PXN: variants seen among roughly 807,000 people sequenced by gnomAD.
PXN encodes paxillin.
A neutral mutation model predicts 103.6 loss-of-function variants in PXN; 61 were observed. The ratio of observed to expected loss-of-function variants is 0.59; its 90% CI spans 0.48 to 0.73. PXN has a LOEUF of 0.73. PXN is among the 30% of genes least tolerant of loss of function. The pLI is 0.00. For missense variants in PXN, 1,274 were observed against 1,460.3 expected (o/e 0.87, Z 2.08); for synonymous variants, 562 against 607.8 (o/e 0.92, Z 1.11).
rs1292666546 is a variant in PXN, at chr12:120,236,223, G to C, written c.14-11846C>G. On this transcript the variant is annotated intron_variant, in intron 1 of 14. Transcript: ENST00000637617. ...AAGCCTGAGCATAGAGCTGTCCTCA[G>C]CCACTGGCTCTCGACCCTGACGTGC... 2.6e-5 allele frequency among the ~76,000 whole-genome samples: 4 copies of C among 152,268 alleles called. No individual in the cohort carries two copies. In the East Asian group the frequency reaches 7.7e-4, roughly 29 times the overall value.
intron 1 of PXN, among the ~76,000 whole-genome samples, chr12:120,237,146 T>TAC (rs1555319258): frequency 2.4e-5 from 3 of 125,542 alleles, no homozygotes; most frequent in African/African-American, 3.4e-5. Flanking sequence ...TGTGTGTGTG[T>TAC]ATACACACAC....
At chr12:120,246,513 TCA>T (rs757998985) in intron 1 of PXN, among the ~76,000 whole-genome samples, 1 of 67,362 alleles carries the variant, frequency 1.5e-5, no homozygotes, top group South Asian at 4.5e-4. Context: ...AGACTCTGTC[TCA>T]AAAAAAAAAA....
chr12:120,246,805 G>C (rs1334015660), intron 1 of PXN, among the ~76,000 whole-genome samples: 1 of 150,432 alleles, frequency 6.6e-6, no homozygotes, highest in African/African-American at 2.4e-5. Context: ...CAGTGAGCCA[G>C]GATTGCGCCA....
chr12:120,235,157 G>A (rs1888792124), intron 1 of PXN, among the ~76,000 whole-genome samples: 1 of 152,142 alleles, frequency 6.6e-6, no homozygotes, highest in African/African-American at 2.4e-5. Flanking sequence ...TGTCTGAGAG[G>A]CCTGTGGCTT....
In PXN at chr12:120,216,941, G is replaced by A. The variant is rs755571645; in HGVS notation, c.1892C>T (p.Ala631Val). 25 of 1,532,044 alleles carry A rather than the reference G, an allele frequency of 1.6e-5. No individual in the cohort carries two copies. The highest frequency in any genetic ancestry group is 2.0e-5 in the Admixed American group (1 of 50,824). 94.9% of individuals were successfully genotyped at this position (1,532,044 alleles called of 1,614,324 possible). Reference sequence around the variant, plus strand: ...CTGGGCAGAGGGCCCCGCCGCCTCCGCCGGCTCCTCTGCCTCAGGCTGGAT... The same window carrying A: ...CTGGGCAGAGGGCCCCGCCGCCTCCACCGGCTCCTCTGCCTCAGGCTGGAT... Reference protein sequence around the residue: ...LGIQPEAEEPAEAAGPSAQDW... With the variant: ...LGIQPEAEEPVEAAGPSAQDW... Residue 631 changes from alanine to valine, a missense_variant, in exon 8 of 15, where the codon GCG (alanine) becomes GTG (valine). By Grantham distance (64) the Ala-to-Val change is moderately conservative (BLOSUM62 0). Transcript: ENST00000637617. The surrounding 1 kb of genome is among the most constrained non-coding windows in gnomAD (Gnocchi z 5.1).
rs527658321 is a variant in PXN, at chr12:120,228,582, A to G, written c.14-4205T>C. Among the ~76,000 whole-genome samples, 1 of 152,274 alleles carries G rather than the reference A, an allele frequency of 6.6e-6. No homozygotes were observed. The highest frequency in any genetic ancestry group is 6.5e-5 in the Admixed American group (1 of 15,296). On this transcript the variant is annotated intron_variant, in intron 1 of 14. Coordinates refer to ENST00000637617, the MANE Select transcript of PXN (RefSeq NM_001385981.1). This position sits in a 1 kb window ranked among gnomAD's most constrained non-coding sequence, Gnocchi z 4.7. ...ACCTCGTGCAATCTTGCAATTTTCT[A>G]GCCGGGGAAGACTGGGGAGCCCCTG...
intron 1 of PXN, among the ~76,000 whole-genome samples, chr12:120,239,454 T>C (rs1170986460): frequency 6.6e-6 from 1 of 152,196 alleles, no homozygotes; most frequent in African/African-American, 2.4e-5. Context: ...TGGTGGCGCA[T>C]GCCTGTAGTC....
At position 120,212,683 on chromosome 12, in the gene PXN, C is replaced by G. The variant is rs1264936128; in HGVS notation, c.2980-103G>C. On this transcript the variant is annotated intron_variant, in intron 14 of 14. Transcript: ENST00000637617. This position sits in a 1 kb window ranked among gnomAD's most constrained non-coding sequence, Gnocchi z 7.2. The stretch of plus-strand genomic sequence containing the variant: ...CATAGTCGGCACGCTCGGAGTGACT[C>G]CTACTTGCTAGGCGTTTCCCATGTG... The G allele has an allele frequency of 7.3e-7, 1 of 1,376,692 alleles. No homozygotes were observed. Among genetic ancestry groups the G allele is most frequent in the Non-Finnish European group, 9.9e-7 (1 of 1,011,884 alleles). The allele number at this position is 1,376,692 out of a possible 1,614,324, so 85.3% of individuals were successfully genotyped here.
chr12:120,248,948 C>A (rs1475957216), intron 1 of PXN, among the ~76,000 whole-genome samples: 1 of 151,878 alleles, frequency 6.6e-6, no homozygotes, highest in Non-Finnish European at 1.5e-5. Context: ...ACCAGCCTGG[C>A]CAACATGGTG....
intron 1 of PXN, chr12:120,226,628 C>T (rs1212939831): frequency 8.4e-7 from 1 of 1,185,138 alleles, no homozygotes; most frequent in Non-Finnish European, 1.1e-6. Context: ...TTTACAATGT[C>T]AACAGGCTCT....
At position 120,219,831 on chromosome 12, in the gene PXN, C is replaced by T; in HGVS notation, c.1092G>A (p.Arg364=). The change falls in exon 7 of 15, where the codon AGG becomes AGA. Residue 364 remains arginine, a synonymous_variant. Transcript: ENST00000637617. This position sits in a 1 kb window ranked among gnomAD's most constrained non-coding sequence, Gnocchi z 6.5. ...ACAGAGAACCCTCCACAGAGGGAGA[C>T]CTTGAGTTGAAGGTGTCAGGCATCA... ...LGVMPDTFNS[R]SPSVEGSLWA... 3.8e-6 allele frequency: 6 copies of T among 1,598,418 alleles called. No homozygotes were observed. The highest frequency in any genetic ancestry group is 5.1e-6 in the Non-Finnish European group (6 of 1,179,800).
At chr12:120,244,260 T>C (rs1354338101) in intron 1 of PXN, among the ~76,000 whole-genome samples, 1 of 151,300 alleles carries the variant, frequency 6.6e-6, no homozygotes, top group Non-Finnish European at 1.5e-5. Context: ...ACATCTGTAA[T>C]CCCAGCACTT....
At chr12:120,241,345 A>T (rs915900665) in intron 1 of PXN, among the ~76,000 whole-genome samples, 2 of 152,200 alleles carry the variant, frequency 1.3e-5, no homozygotes, top group African/African-American at 4.8e-5. Flanking sequence ...AGCAAACTCC[A>T]GTGAAGCCAC....
chr12:120,242,821 C>CA (rs925626572), intron 1 of PXN, among the ~76,000 whole-genome samples: 1 of 151,138 alleles, frequency 6.6e-6, no homozygotes, highest in African/African-American at 2.4e-5. Context: ...GCAGAGGTTG[C>CA]AGTGAGCCAA....
Position 120,219,192 on chromosome 12 carries a change from C to A in PXN, c.1716+15G>T, listed in dbSNP as rs750644101. 1.4e-5 allele frequency: 21 copies of A among 1,544,228 alleles called. No homozygotes were observed. In the African/African-American group the frequency reaches 2.7e-4, roughly 20 times the overall value. ...CCAATGGCCATGCCCAGCAGCCATG[C>A]GAGCTGGTGCCTGCCTGGCCAGAGG... On this transcript the variant is annotated intron_variant, in intron 7 of 14. Coordinates refer to ENST00000637617, the MANE Select transcript of PXN (RefSeq NM_001385981.1). The surrounding 1 kb of genome is among the most constrained non-coding windows in gnomAD (Gnocchi z 6.5).
chr12:120,254,713 G>A (rs976647206), intron 1 of PXN, among the ~76,000 whole-genome samples: 13 of 152,010 alleles, frequency 8.6e-5, no homozygotes, highest in African/African-American at 2.4e-4. Context: ...ACCACGCCCA[G>A]CTAATTTTTG....
rs561201400 is a variant in PXN, at chr12:120,251,129, C to A, written c.13+14488G>T. On this transcript the variant is annotated intron_variant, in intron 1 of 14. Transcript: ENST00000637617. The stretch of plus-strand genomic sequence containing the variant: ...CTGAGGCAGGAGAATCACTTGAACC[C>A]AGGAGGTGGAGGTTGCAATGAGCTG... 2.0e-5 allele frequency among the ~76,000 whole-genome samples: 3 copies of A among 150,358 alleles called. No homozygotes were observed. The South Asian group carries it at 6.3e-4, about 32-fold the overall frequency.
intron 1 of PXN, among the ~76,000 whole-genome samples, chr12:120,251,014 G>C (rs1892073128): frequency 6.6e-6 from 1 of 152,124 alleles, no homozygotes. Flanking sequence ...GACCAGCCTG[G>C]CCAACATGGC....
chr12:120,260,451 C>T (rs1151834), intron 1 of PXN, among the ~76,000 whole-genome samples: 3,201 of 148,222 alleles, frequency 0.022, 139 homozygotes, highest in African/African-American at 0.076. Flanking sequence ...TGTGGTGAGC[C>T]GAGATCATGC....
Sources: gnomAD v4.1 joint callset for allele counts (sites outside exome capture counted in the v4.1 genomes callset) on GRCh38, gnomAD v4.1.1 for gene constraint, Gnocchi (gnomAD v3.1) non-coding constraint, MANE v1.5 for transcripts, NCBI Gene and HGNC (gene_info 2026-07-23, HGNC 2026-07-21) for gene names.